The following SAMD4A variants were observed in gnomAD, a reference collection of about 807,000 sequenced individuals.
The protein encoded by SAMD4A is protein Smaug homolog 1.
A neutral mutation model predicts 81.3 loss-of-function variants in SAMD4A; 33 were observed. The observed-to-expected ratio is 0.41, with a 90% CI of 0.31 to 0.54. The LOEUF is 0.54. Among genes scored for constraint, SAMD4A ranks in the 20% least tolerant of loss-of-function variants. The pLI, the probability that SAMD4A is intolerant of heterozygous loss-of-function variation, is 0.37. For synonymous variants in SAMD4A, 389 were observed against 382.1 expected (o/e 1.02, Z -0.21); for missense variants, 854 against 951.1 (o/e 0.90, Z 1.34).
At chr14:54,729,889 A>T (rs533625063) in intron 3 of SAMD4A, among the ~76,000 whole-genome samples, 3 of 152,216 alleles carry the variant, frequency 2.0e-5, no homozygotes, top group South Asian at 2.1e-4. Flanking sequence ...TATTTAAAGT[A>T]TATACATATT....
intron 2 of SAMD4A, among the ~76,000 whole-genome samples, chr14:54,623,335 T>C (rs2140308652): frequency 6.6e-6 from 1 of 152,178 alleles, no homozygotes. Context: ...CTTCATGAAC[T>C]TTCCAAATTG....
rs977866116 is a variant in SAMD4A, at chr14:54,789,293, G to A, written c.*349G>A. 8.5e-6 allele frequency: 3 copies of A among 353,298 alleles called. No homozygotes were observed. The highest frequency in any genetic ancestry group is 1.2e-4 in the East Asian group (2 of 16,948). 21.9% of individuals were successfully genotyped at this position (353,298 alleles called of 1,614,324 possible). On this transcript the variant is annotated 3_prime_UTR_variant, in exon 13 of 13. Coordinates refer to ENST00000554335, the MANE Select transcript of SAMD4A (RefSeq NM_015589.6). Reference sequence around the variant, plus strand: ...GAGTACTGCCATGAAAGAGATAGGAGACACATAAGAGGACAGCAGAAGCCC... The same window carrying A: ...GAGTACTGCCATGAAAGAGATAGGAAACACATAAGAGGACAGCAGAAGCCC...
chr14:54,689,450 C>T (rs1438741028), intron 2 of SAMD4A, among the ~76,000 whole-genome samples: 2 of 152,150 alleles, frequency 1.3e-5, no homozygotes, highest in African/African-American at 4.8e-5. Context: ...GATTAAGTAA[C>T]TCAAACATCA....
chr14:54,751,002 C>T (rs1252640746), intron 5 of SAMD4A, among the ~76,000 whole-genome samples: 1 of 152,224 alleles, frequency 6.6e-6, no homozygotes, highest in African/African-American at 2.4e-5. Flanking sequence ...TGGCTCACGC[C>T]TAGAATTCCA....
At chr14:54,649,722 C>A (rs1226185300) in intron 2 of SAMD4A, among the ~76,000 whole-genome samples, 1 of 152,140 alleles carries the variant, frequency 6.6e-6, no homozygotes, top group African/African-American at 2.4e-5. Flanking sequence ...TTTTTGCAAG[C>A]AGGCATAAGT....
chr14:54,635,129 C>G (rs925348661), intron 2 of SAMD4A, among the ~76,000 whole-genome samples: 2 of 152,134 alleles, frequency 1.3e-5, no homozygotes, highest in African/African-American at 4.8e-5. Context: ...GACATAATCT[C>G]AAAACTTATC....
intron 4 of SAMD4A, among the ~76,000 whole-genome samples, chr14:54,739,651 C>T (rs977253105): frequency 6.6e-6 from 1 of 152,202 alleles, no homozygotes; most frequent in Admixed American, 6.5e-5. Context: ...CACTAGCATT[C>T]CGAAGTGTCA....
intron 2 of SAMD4A, among the ~76,000 whole-genome samples, chr14:54,594,014 A>G (rs1227141173): frequency 6.6e-6 from 1 of 152,188 alleles, no homozygotes; most frequent in Non-Finnish European, 1.5e-5. Flanking sequence ...AAGATGACTC[A>G]TGTGCCTACC....
At chr14:54,729,450 A>G (rs563480168) in intron 3 of SAMD4A, among the ~76,000 whole-genome samples, 3 of 152,168 alleles carry the variant, frequency 2.0e-5, no homozygotes, top group Non-Finnish European at 4.4e-5. Context: ...TTTTACAGAT[A>G]CGTGGGAACA....
chr14:54,689,687 A>G (rs556021936), intron 2 of SAMD4A: 6 of 152,322 alleles, frequency 3.9e-5, no homozygotes, highest in African/African-American at 1.4e-4. Flanking sequence ...AGGAGCCGCC[A>G]AGACAACTGA....
intron 2 of SAMD4A, among the ~76,000 whole-genome samples, chr14:54,609,847 CTT>C (rs1424038640): frequency 6.6e-6 from 1 of 152,146 alleles, no homozygotes; most frequent in Non-Finnish European, 1.5e-5. Flanking sequence ...GGACCAAAGA[CTT>C]TATTTGGTCT....
chr14:54,639,825 C>CACGT (rs1429400323), intron 2 of SAMD4A, among the ~76,000 whole-genome samples: 1 of 151,730 alleles, frequency 6.6e-6, no homozygotes, highest in Non-Finnish European at 1.5e-5. Flanking sequence ...CACACACACA[C>CACGT]ACGTACACAC....
intron 2 of SAMD4A, among the ~76,000 whole-genome samples, chr14:54,630,288 C>T (rs1159579220): frequency 1.3e-5 from 2 of 152,220 alleles, no homozygotes; most frequent in African/African-American, 4.8e-5. Context: ...ATTTTACATT[C>T]CCACTAGCAA....
chr14:54,776,042 ATCAG>A (rs2038837681), intron 10 of SAMD4A, among the ~76,000 whole-genome samples: 1 of 143,490 alleles, frequency 7.0e-6, no homozygotes, highest in Non-Finnish European at 1.5e-5. Flanking sequence ...AAAAAAAAAA[ATCAG>A]AGCCCTGAAA....
intron 2 of SAMD4A, among the ~76,000 whole-genome samples, chr14:54,638,439 G>C (rs2035089003): frequency 6.6e-6 from 1 of 152,174 alleles, no homozygotes; most frequent in Non-Finnish European, 1.5e-5. Flanking sequence ...TTCTGAGGGT[G>C]AATAGTGATG....
intron 2 of SAMD4A, among the ~76,000 whole-genome samples, chr14:54,573,031 C>A (rs1157419560): frequency 6.6e-6 from 1 of 152,178 alleles, no homozygotes; most frequent in Non-Finnish European, 1.5e-5. Flanking sequence ...AACTTATCAA[C>A]ACTTTTTCCT....
Position 54,790,308 on chromosome 14 carries a change from G to T in SAMD4A, c.*1364G>T, listed in dbSNP as rs2140005480. ...CGCACAGCCCCGCCATCTCCAGTGGGCGATGAAAGATGTAGGAAAGGTTGA... is the reference window on the plus strand; with the variant it reads ...CGCACAGCCCCGCCATCTCCAGTGGTCGATGAAAGATGTAGGAAAGGTTGA... On this transcript the variant is annotated 3_prime_UTR_variant, in exon 13 of 13. Coordinates refer to ENST00000554335, the MANE Select transcript of SAMD4A (RefSeq NM_015589.6). The T allele has an allele frequency of 6.6e-6, 1 of 152,462 alleles. No homozygotes were observed. Among genetic ancestry groups the T allele is most frequent in the Middle Eastern group, 3.4e-3 (1 of 296 alleles). The allele number at this position is 152,462 out of a possible 1,614,324, so 9.4% of individuals were successfully genotyped here.
chr14:54,605,261 G>C (rs1173685963), intron 2 of SAMD4A, among the ~76,000 whole-genome samples: 1 of 151,510 alleles, frequency 6.6e-6, no homozygotes, highest in Non-Finnish European at 1.5e-5. Flanking sequence ...CTCAGGCCCT[G>C]GAGAAAGCAA....
At chr14:54,596,271 A>G (rs2033907970) in intron 2 of SAMD4A, among the ~76,000 whole-genome samples, 2 of 152,286 alleles carry the variant, frequency 1.3e-5, no homozygotes, top group South Asian at 4.1e-4. Flanking sequence ...GAACGCCATC[A>G]CCACTCCTAG....
Sources: gnomAD v4.1 joint callset for allele counts (sites outside exome capture counted in the v4.1 genomes callset) on GRCh38, gnomAD v4.1.1 for gene constraint, MANE v1.5 for transcripts, NCBI Gene and HGNC (gene_info 2026-07-23, HGNC 2026-07-21) for gene names.